Variants in DAB1 observed in about 807,000 individuals in gnomAD.
DAB1 encodes DAB adaptor protein 1.
A neutral mutation model predicts 64.6 loss-of-function variants in DAB1; 15 were observed. The observed-to-expected ratio is 0.23, with a 90% CI of 0.16 to 0.36. DAB1 has a LOEUF of 0.36. Ranked by LOEUF, DAB1 falls within the 10% of genes least tolerant of loss-of-function variation. The probability of loss-of-function intolerance (pLI) is 1.00; values close to 1 mark genes in which losing one functional copy is unlikely to be tolerated. For missense variants in DAB1, 596 were observed against 706.7 expected, an observed-to-expected ratio of 0.84 and a Z score of 1.78; for synonymous variants, 235 against 251.9, an observed-to-expected ratio of 0.93 and a Z score of 0.64.
chr1:57,317,372 GT>G (rs1675300652), intron 1 of DAB1, among the ~76,000 whole-genome samples: 1 of 152,182 alleles, frequency 6.6e-6, no homozygotes, highest in Non-Finnish European at 1.5e-5. Context: ...GATTATAAAT[GT>G]TTGCTTTTTT....
Position 57,015,367 on chromosome 1 carries a change from C to T in DAB1, c.960G>A (p.Gln320=), listed in dbSNP as rs752463067. The T allele has an allele frequency of 1.2e-6, 2 of 1,614,042 alleles. No individual in the cohort carries two copies. The highest frequency in any genetic ancestry group is 3.3e-5 in the Admixed American group (2 of 60,026). ...CTGGTGGCTGGGCACCCATGACCAT[C>T]TGCTGTTGGACGAGGGGCTGCTGAC... ...FWGQQPLVQQ[Q]MVMGAQPPVA... The change falls in exon 12 of 15, where the codon CAG becomes CAA. Residue 320 remains glutamine, a synonymous_variant. Transcript: ENST00000371236.
At chr1:58,506,810 C>T (rs1645996859) in intron 2 of DAB1, among the ~76,000 whole-genome samples, 2 of 152,004 alleles carry the variant, frequency 1.3e-5, no homozygotes, top group South Asian at 2.1e-4. Context: ...CATCAATTTA[C>T]CCAATTTTCT....
intron 4 of DAB1, among the ~76,000 whole-genome samples, chr1:58,251,448 A>C (rs1255551966): frequency 1.3e-5 from 2 of 152,258 alleles, no homozygotes; most frequent in Non-Finnish European, 2.9e-5. Context: ...CATGTGATAG[A>C]AAATGACTAG....
chr1:57,961,761 G>A (rs1347747167), intron 5 of DAB1, among the ~76,000 whole-genome samples: 1 of 152,044 alleles, frequency 6.6e-6, no homozygotes. Context: ...CTGAGGTCAG[G>A]AGTTCAAGAC....
chr1:57,113,693 T>A (rs1210393662), intron 4 of DAB1, among the ~76,000 whole-genome samples: 1 of 152,212 alleles, frequency 6.6e-6, no homozygotes. Context: ...ACGCTTGCAA[T>A]CAAAAACCGG....
At position 57,461,943 on chromosome 1, in the gene DAB1, CTTTTTTTT is replaced by C. The variant is rs545743407; in HGVS notation, n.626-170785_626-170778del. ...GAATACATAAAGGATAAGATATACT[CTTTTTTTT>C]TTTTTTTTTTTTTTTTTTTTACACA... On this transcript the variant is annotated intron_variant and non_coding_transcript_variant, in intron 7 of 20. Coordinates refer to the DAB1 transcript ENST00000485760. 3.0e-3 allele frequency among the ~76,000 whole-genome samples: 296 copies of C among 100,332 alleles called. 2 individuals carry two copies. The highest frequency in any genetic ancestry group is 9.2e-3 in the African/African-American group (247 of 26,884). 65.8% of individuals were successfully genotyped at this position (100,332 alleles called of 152,430 possible). A position where few individuals can be genotyped will look rare whatever the true frequency, so the allele number is the denominator to read the frequency against.
chr1:58,043,961 C>G (rs1477756375), intron 5 of DAB1, among the ~76,000 whole-genome samples: 1 of 152,134 alleles, frequency 6.6e-6, no homozygotes, highest in Non-Finnish European at 1.5e-5. Flanking sequence ...CTCTTGACCT[C>G]GTGATCCGCC....
At chr1:58,139,182 C>T (rs625994) in intron 5 of DAB1, among the ~76,000 whole-genome samples, 3 of 151,918 alleles carry the variant, frequency 2.0e-5, no homozygotes, top group Admixed American at 6.5e-5. Context: ...CAGATTCTTC[C>T]GTCAAAACCA....
chr1:57,092,298 G>T (rs1653758435), intron 4 of DAB1, among the ~76,000 whole-genome samples: 1 of 152,104 alleles, frequency 6.6e-6, no homozygotes, highest in South Asian at 2.1e-4. Flanking sequence ...GATTATGGTT[G>T]ATATTGTTTG....
chr1:57,701,961 G>C (rs1323338090), intron 6 of DAB1, among the ~76,000 whole-genome samples: 1 of 152,000 alleles, frequency 6.6e-6, no homozygotes, highest in Non-Finnish European at 1.5e-5. Flanking sequence ...TTGAATTCTT[G>C]ATCTGAGAGC....
At chr1:58,296,906 T>C (rs116252666) in intron 4 of DAB1, among the ~76,000 whole-genome samples, 1 of 152,322 alleles carries the variant, frequency 6.6e-6, no homozygotes, top group African/African-American at 2.4e-5. Flanking sequence ...CATAGGGTTG[T>C]CCAGAGAAGC....
chr1:57,417,123 G>A (rs1345872812), intron 1 of DAB1, among the ~76,000 whole-genome samples: 2 of 152,074 alleles, frequency 1.3e-5, no homozygotes, highest in Non-Finnish European at 2.9e-5. Flanking sequence ...CAAGAGAAGG[G>A]GACGTATGAT....
intron 5 of DAB1, among the ~76,000 whole-genome samples, chr1:57,984,260 G>GAAAA (rs869201141): frequency 2.8e-4 from 38 of 134,152 alleles, no homozygotes; most frequent in South Asian, 4.8e-4. Flanking sequence ...AAGAAAGAAA[G>GAAAA]AAAAAAAATT....
chr1:58,039,080 G>A (rs954981441), intron 5 of DAB1, among the ~76,000 whole-genome samples: 3 of 152,142 alleles, frequency 2.0e-5, no homozygotes, highest in African/African-American at 7.2e-5. Context: ...TATTTCTGAT[G>A]CTTTGATGTC....
In DAB1 at chr1:57,170,053, G is replaced by C. The variant is rs1661589459; in HGVS notation, c.68-24624C>G. Among the ~76,000 whole-genome samples, 4 of 150,652 alleles carry C rather than the reference G, an allele frequency of 2.7e-5. No individual in the cohort carries two copies. The South Asian group carries it at 8.4e-4, about 32-fold the overall frequency. On this transcript the variant is annotated intron_variant, in intron 2 of 14. Transcript: ENST00000371236. ...ACTCTGTCACCCAGGCTGGAGTGCA[G>C]TGGTGTGAACTCGGCTCCCTGCAAC...
At chr1:58,323,692 G>A (rs545653103) in intron 4 of DAB1, among the ~76,000 whole-genome samples, 1 of 152,172 alleles carries the variant, frequency 6.6e-6, no homozygotes, top group East Asian at 1.9e-4. Flanking sequence ...GGCTGAGGTG[G>A]CGGCGGGCAG....
intron 4 of DAB1, among the ~76,000 whole-genome samples, chr1:58,158,093 G>T (rs1201444977): frequency 1.3e-5 from 2 of 150,684 alleles, no homozygotes; most frequent in Admixed American, 1.3e-4. Context: ...ATTCAAAAAG[G>T]TTCACCCACC....
intron 1 of DAB1, among the ~76,000 whole-genome samples, chr1:57,343,768 C>A (rs544136272): frequency 6.6e-6 from 1 of 152,318 alleles, no homozygotes; most frequent in South Asian, 2.1e-4. Context: ...TGTGCAGCCC[C>A]GGTTCCCACC....
chr1:57,290,956 A>T lies in DAB1; in HGVS notation c.67+8T>A. The stretch of plus-strand genomic sequence containing the variant: ...TAGCCATTAAAAAAAGGTCAAATTC[A>T]GCCCTACCTTTCTTTCTGGAGTCTT... On this transcript the variant is annotated splice_region_variant and intron_variant, in intron 2 of 14. Transcript: ENST00000371236. 6.2e-7 allele frequency: 1 copy of T among 1,607,786 alleles called. No individual in the cohort carries two copies. The highest frequency in any genetic ancestry group is 8.5e-7 in the Non-Finnish European group (1 of 1,175,916).
Sources: allele counts gnomAD v4.1 joint callset (sites outside exome capture counted in the v4.1 genomes callset), GRCh38; gene constraint gnomAD v4.1.1; transcripts MANE v1.5; gene names NCBI Gene and HGNC (gene_info 2026-07-23, HGNC 2026-07-21).